The following DLG2 variants were observed in gnomAD, a reference collection of about 807,000 sequenced individuals.
DLG2 encodes the protein discs large MAGUK scaffold protein 2, also known as disks large homolog 2.
Under a neutral mutation model 132.5 loss-of-function variants are expected in DLG2, and 45 were observed. The ratio of observed to expected loss-of-function variants is 0.34; its 90% CI spans 0.27 to 0.44. DLG2 has a LOEUF of 0.44. Ranked by LOEUF, DLG2 falls within the 20% of genes least tolerant of loss-of-function variation. The pLI is 1.00. For synonymous variants in DLG2, 424 were observed against 419.6 expected, an observed-to-expected ratio of 1.01 and a Z score of -0.13; for missense variants, 1,045 against 1,196.9, an observed-to-expected ratio of 0.87 and a Z score of 1.87.
intron 15 of DLG2, among the ~76,000 whole-genome samples, chr11:83,888,902 T>C (rs1333891276): frequency 6.6e-6 from 1 of 152,200 alleles, no homozygotes; most frequent in African/African-American, 2.4e-5. Context: ...TGGCTAGCCA[T>C]ATGTAGAAAG....
chr11:84,349,283 G>T (rs1320995485), intron 7 of DLG2, among the ~76,000 whole-genome samples: 1 of 152,048 alleles, frequency 6.6e-6, no homozygotes, highest in Non-Finnish European at 1.5e-5. Context: ...TTTCCCAAAG[G>T]CATGGTGTCT....
intron 7 of DLG2, among the ~76,000 whole-genome samples, chr11:84,304,063 C>T (rs922741671): frequency 6.6e-6 from 1 of 152,194 alleles, no homozygotes; most frequent in African/African-American, 2.4e-5. Context: ...AGTATCAATA[C>T]TTATCCATAC....
intron 10 of DLG2, among the ~76,000 whole-genome samples, chr11:84,064,597 A>G (rs1267626254): frequency 3.3e-5 from 5 of 152,218 alleles, no homozygotes; most frequent in African/African-American, 1.2e-4. Flanking sequence ...CATGTGAAAT[A>G]CATAGCGTAG....
chr11:83,644,418 G>A (rs561420192), intron 18 of DLG2, among the ~76,000 whole-genome samples: 3 of 152,154 alleles, frequency 2.0e-5, no homozygotes, highest in East Asian at 1.9e-4. Context: ...GCAAAGAGAC[G>A]GATTGAGAGA....
intron 16 of DLG2, among the ~76,000 whole-genome samples, chr11:83,862,356 T>C (rs4943881): frequency 0.18 from 26,957 of 152,090 alleles, 2,652 homozygotes; most frequent in East Asian, 0.32. Flanking sequence ...AGACAAACTT[T>C]GGATGTTCCC....
At chr11:84,063,165 A>G (rs1054539396) in intron 10 of DLG2, among the ~76,000 whole-genome samples, 1 of 152,194 alleles carries the variant, frequency 6.6e-6, no homozygotes, top group African/African-American at 2.4e-5. Context: ...TCACTCTACC[A>G]ATCTAATTAA....
chr11:84,462,831 T>C (rs1277478011), intron 7 of DLG2, among the ~76,000 whole-genome samples: 1 of 151,116 alleles, frequency 6.6e-6, no homozygotes, highest in Non-Finnish European at 1.5e-5. Context: ...CCCAGTCTTT[T>C]AAGGAAAGGT....
At chr11:84,387,147 C>A (rs1026249621) in intron 7 of DLG2, among the ~76,000 whole-genome samples, 8 of 152,020 alleles carry the variant, frequency 5.3e-5, no homozygotes, top group Non-Finnish European at 8.8e-5. Context: ...CATCACCACA[C>A]TGGGGCAGCG....
intron 6 of DLG2, among the ~76,000 whole-genome samples, chr11:84,629,870 A>AGGGAAAAT (rs2099628637): frequency 1.3e-5 from 2 of 152,154 alleles, no homozygotes; most frequent in Admixed American, 1.3e-4. Flanking sequence ...AACAAGAGAA[A>AGGGAAAAT]GGGAAAATGG....
rs549377126 is a variant in DLG2 at position 85,367,116 on chromosome 11, C to T, written c.41-81751G>A. 5.3e-5 allele frequency among the ~76,000 whole-genome samples: 8 copies of T among 152,190 alleles called. No homozygotes were observed. The South Asian group carries it at 1.2e-3, about 24-fold the overall frequency. On this transcript the variant is annotated intron_variant, in intron 3 of 27. Transcript: ENST00000376104. ...GAAGTATGACATAGAATACAGAATG[C>T]GATTTTAGATCAACGTTTTAAAAAA...
intron 6 of DLG2, among the ~76,000 whole-genome samples, chr11:84,787,946 A>G (rs2073187643): frequency 6.6e-6 from 1 of 150,892 alleles, no homozygotes; most frequent in Admixed American, 6.6e-5. Flanking sequence ...TTACAAAAAA[A>G]AAAAAATTAG....
intron 7 of DLG2, among the ~76,000 whole-genome samples, chr11:84,479,570 T>C (rs1402039920): frequency 3.3e-5 from 5 of 152,126 alleles, no homozygotes; most frequent in African/African-American, 1.2e-4. Context: ...AGATGATTTG[T>C]CCTTAAATTA....
rs141953933 is a variant in DLG2 at position 84,198,635 on chromosome 11, T to G, written c.574-35124A>C. Among the ~76,000 whole-genome samples, 18 of 152,260 alleles carry G rather than the reference T, an allele frequency of 1.2e-4. No individual in the cohort carries two copies. In the East Asian group the frequency reaches 3.3e-3, roughly 28 times the overall value. The stretch of plus-strand genomic sequence containing the variant: ...AAAATATAAAACCATGACAATTATC[T>G]ACAATTAGTCAAATAAATGGTATAC... On this transcript the variant is annotated intron_variant, in intron 8 of 27. Coordinates refer to ENST00000376104, the MANE Select transcript of DLG2 (RefSeq NM_001142699.3).
chr11:84,491,224 T>C lies in DLG2; in HGVS notation c.519+43346A>G, dbSNP rs187378812. Reference sequence around the variant, plus strand: ...ATTCCCACGTATTGTGGGACGGACCTGGTGGGAGATAAGTGAATCAGGGGC... The same window carrying C: ...ATTCCCACGTATTGTGGGACGGACCCGGTGGGAGATAAGTGAATCAGGGGC... On this transcript the variant is annotated intron_variant, in intron 7 of 27. Transcript: ENST00000376104. Among the ~76,000 whole-genome samples, 8 of 152,178 alleles carry C rather than the reference T, an allele frequency of 5.3e-5. No individual in the cohort carries two copies. The East Asian group carries it at 1.4e-3, about 26-fold the overall frequency.
chr11:83,865,466 A>AG (rs2062152948), intron 16 of DLG2, among the ~76,000 whole-genome samples: 1 of 152,096 alleles, frequency 6.6e-6, no homozygotes, highest in Non-Finnish European at 1.5e-5. Flanking sequence ...CGAAAAAAAA[A>AG]AGACAAGAAT....
At chr11:84,484,374 C>T (rs1331707365) in intron 7 of DLG2, among the ~76,000 whole-genome samples, 3 of 152,156 alleles carry the variant, frequency 2.0e-5, no homozygotes, top group African/African-American at 7.2e-5. Flanking sequence ...TCACCACTCA[C>T]TGTGGACACA....
At chr11:85,014,805 G>T (rs2059434202) in intron 6 of DLG2, among the ~76,000 whole-genome samples, 1 of 152,018 alleles carries the variant, frequency 6.6e-6, no homozygotes, top group Admixed American at 6.6e-5. Context: ...TACCTGTCTT[G>T]GGCACCTTAT....
intron 5 of DLG2, among the ~76,000 whole-genome samples, chr11:85,139,186 C>T (rs984006451): frequency 3.9e-5 from 6 of 152,112 alleles, no homozygotes; most frequent in Non-Finnish European, 5.9e-5. Context: ...CTCTATTCAT[C>T]TCTTACTATC....
At chr11:85,424,249 C>T (rs1448427127) in intron 3 of DLG2, among the ~76,000 whole-genome samples, 2 of 152,282 alleles carry the variant, frequency 1.3e-5, no homozygotes, top group African/African-American at 4.8e-5. Flanking sequence ...AATTTGGGCA[C>T]TCACAGTATT....
Sources: gnomAD v4.1 joint callset for allele counts (sites outside exome capture counted in the v4.1 genomes callset) on GRCh38, gnomAD v4.1.1 for gene constraint, MANE v1.5 for transcripts, NCBI Gene and HGNC (gene_info 2026-07-23, HGNC 2026-07-21) for gene names.